Variants in NAV3 observed in about 807,000 individuals in gnomAD.
NAV3 encodes pore membrane and/or filament interacting like protein 1.
Under a neutral mutation model 244.7 loss-of-function variants are expected in NAV3, and 87 were observed. That is an observed-to-expected ratio of 0.36 (90% CI 0.30 to 0.42). NAV3 has a LOEUF of 0.42. NAV3 is among the 20% of genes least tolerant of loss of function. The pLI is 1.00. For missense variants in NAV3, 2,663 were observed against 2,893.3 expected, an observed-to-expected ratio of 0.92 and a Z score of 1.83; for synonymous variants, 1,126 against 1,042.2, an observed-to-expected ratio of 1.08 and a Z score of -1.55.
At chr12:77,901,472 G>A (rs1885281989) in intron 1 of NAV3, among the ~76,000 whole-genome samples, 1 of 152,118 alleles carries the variant, frequency 6.6e-6, no homozygotes, top group Non-Finnish European at 1.5e-5. Context: ...CACTTTGAGA[G>A]GCTGAGGCGG....
At chr12:77,976,667 T>C (rs1368222874) in intron 5 of NAV3, among the ~76,000 whole-genome samples, 1 of 55,462 alleles carries the variant, frequency 1.8e-5, no homozygotes, top group East Asian at 4.8e-4. Flanking sequence ...TCTTTCTTTC[T>C]TTTTTTCTTT....
rs575392266 is a variant in NAV3, at chr12:77,943,028, G to T, written c.414+1895G>T. Among the ~76,000 whole-genome samples the T allele has an allele frequency of 2.0e-5, 3 of 152,222 alleles. No individual in the cohort carries two copies. The East Asian group carries it at 5.8e-4, about 29-fold the overall frequency. Reference sequence around the variant, plus strand: ...GGCTATCATTCCAATTTGATTCTGGGATTACAGAGAATTCAATAAACAGGC... The same window carrying T: ...GGCTATCATTCCAATTTGATTCTGGTATTACAGAGAATTCAATAAACAGGC... On this transcript the variant is annotated intron_variant, in intron 3 of 39. Transcript: ENST00000397909.
rs79409555 is a variant in NAV3, at chr12:78,130,461, C to T, written c.4441+1595C>T. The T allele has an allele frequency of 7.8e-4, 170 of 216,622 alleles. 2 individuals are homozygous for T. In the East Asian group the frequency reaches 0.015, roughly 20 times the overall value. 13.4% of individuals were successfully genotyped at this position (216,622 alleles called of 1,614,324 possible). On this transcript the variant is annotated intron_variant, in intron 18 of 39. Coordinates refer to ENST00000397909, the MANE Select transcript of NAV3 (RefSeq NM_001024383.2). The stretch of plus-strand genomic sequence containing the variant: ...ATCCCCTGCTTTCCTGATCCCACCA[C>T]AAAAACTCCCCTGAGGATGAAGCCT...
intron 2 of NAV3, among the ~76,000 whole-genome samples, chr12:77,807,199 T>C (rs1872027659): frequency 6.6e-6 from 1 of 152,216 alleles, no homozygotes; most frequent in Non-Finnish European, 1.5e-5. Context: ...TCGACATGTG[T>C]GAATTTGATC....
At chr12:77,998,284 C>G (rs1872686317) in intron 6 of NAV3, 53 bp from the exon 7 acceptor site, 2 of 1,364,176 alleles carry the variant, frequency 1.5e-6, no homozygotes, top group African/African-American at 1.5e-5. Flanking sequence ...CCTCCTGCTT[C>G]TTACCTTTTT....
intron 2 of NAV3, among the ~76,000 whole-genome samples, chr12:77,798,396 A>G (rs1040487418): frequency 6.6e-6 from 1 of 152,192 alleles, no homozygotes; most frequent in African/African-American, 2.4e-5. Context: ...ATAATTTAAT[A>G]TAATTTTACA....
intron 2 of NAV3, among the ~76,000 whole-genome samples, chr12:77,717,287 C>T (rs928258978): frequency 1.6e-4 from 24 of 152,162 alleles, no homozygotes; most frequent in Admixed American, 1.6e-3. Flanking sequence ...TTTCCTCTCT[C>T]CTCAGCTGCT....
At chr12:77,973,298 A>G (rs1439258038) in intron 5 of NAV3, among the ~76,000 whole-genome samples, 1 of 152,230 alleles carries the variant, frequency 6.6e-6, no homozygotes, top group Admixed American at 6.5e-5. Flanking sequence ...ATGTGAAAGT[A>G]GAGGTAAGAG....
At chr12:78,110,575 T>TA (rs1208354946) in intron 12 of NAV3, among the ~76,000 whole-genome samples, 4 of 151,176 alleles carry the variant, frequency 2.6e-5, no homozygotes, top group African/African-American at 7.3e-5. Context: ...TTTGTACAAA[T>TA]AAAAAAATGT....
At chr12:77,928,399 A>G (rs1888442905) in intron 1 of NAV3, among the ~76,000 whole-genome samples, 1 of 152,092 alleles carries the variant, frequency 6.6e-6, no homozygotes, top group Admixed American at 6.6e-5. Context: ...CTAGAATGCC[A>G]AAGGATAAGG....
intron 12 of NAV3, among the ~76,000 whole-genome samples, chr12:78,084,229 A>C (rs1052631943): frequency 6.6e-6 from 1 of 152,198 alleles, no homozygotes; most frequent in Non-Finnish European, 1.5e-5. Context: ...GCATGTTTAC[A>C]GCTTCCCTGA....
chr12:77,886,366 G>T (rs1301811630), intron 1 of NAV3, among the ~76,000 whole-genome samples: 2 of 152,092 alleles, frequency 1.3e-5, no homozygotes, highest in Non-Finnish European at 2.9e-5. Flanking sequence ...TCACCACAAT[G>T]TATGTGTCAG....
chr12:77,648,072 G>A (rs1393586284), intron 2 of NAV3, among the ~76,000 whole-genome samples: 1 of 152,058 alleles, frequency 6.6e-6, no homozygotes, highest in East Asian at 1.9e-4. Flanking sequence ...TGGCCAAACA[G>A]ATTTTGGTCT....
At chr12:77,861,870 G>C (rs1879304630) in intron 1 of NAV3, among the ~76,000 whole-genome samples, 1 of 151,822 alleles carries the variant, frequency 6.6e-6, no homozygotes, top group Non-Finnish European at 1.5e-5. Flanking sequence ...TAGAAGAATA[G>C]TCCCTACTCC....
rs762198101 is a variant in NAV3 at position 78,122,345 on chromosome 12, C to T, written c.4155C>T (p.Ser1385=). ...SIDLPLSHHG[S]LSGLTTGTHE... ...ACCTCCCCCTCAGCCATCATGGCTC[C>T]TTGTCTGGACTGACCACAGGCACTC... is the stretch of plus-strand genomic sequence containing the variant. Residue 1385 remains serine, a synonymous_variant, in exon 16 of 40, where the codon TCC becomes TCT. Transcript: ENST00000397909. The T allele has an allele frequency of 6.2e-7, 1 of 1,614,128 alleles. No homozygotes were observed. The highest frequency in any genetic ancestry group is 8.5e-7 in the Non-Finnish European group (1 of 1,180,008).
At chr12:77,815,342 A>G (rs566052746) in intron 2 of NAV3, among the ~76,000 whole-genome samples, 1 of 152,278 alleles carries the variant, frequency 6.6e-6, no homozygotes, top group East Asian at 1.9e-4. Flanking sequence ...TTACTTTAGA[A>G]ATCCTCTTGG....
rs765707660 is a variant in NAV3 at position 78,181,045 on chromosome 12, G to A, written c.5692G>A (p.Asp1898Asn). ...GAACATCACAGAGGCTGTTAGCTCA[G>A]GTGATTTAGTGCACATGCTTGCCTG... ...NLNITEAVSS[D>N]ILLDDAGDAT... The change falls in exon 30 of 40, where the codon GAT becomes AAT. Residue 1898 changes from aspartate to asparagine, a missense_variant and splice_region_variant. Around this residue, in one of 6 missense-constraint regions of NAV3, gnomAD observed 543 missense variants for 672.4 expected, o/e 0.81. Transcript: ENST00000397909. The A allele has an allele frequency of 3.1e-6, 5 of 1,612,430 alleles. No homozygotes were observed. Among genetic ancestry groups the A allele is most frequent in the Non-Finnish European group, 4.2e-6 (5 of 1,178,986 alleles).
intron 2 of NAV3, among the ~76,000 whole-genome samples, chr12:77,717,081 T>C (rs1301469447): frequency 6.6e-6 from 1 of 151,988 alleles, no homozygotes; most frequent in East Asian, 1.9e-4. Flanking sequence ...ATGTGGAGAA[T>C]TATCGAGCAT....
intron 38 of NAV3, 94 bp from the exon 39 acceptor site, chr12:78,204,841 A>C (rs1215626360): frequency 1.0e-5 from 11 of 1,092,188 alleles, no homozygotes; most frequent in Non-Finnish European, 1.5e-5. Context: ...TTAAGAACTC[A>C]ATATGTCAAA....
Sources: allele counts gnomAD v4.1 joint callset (sites outside exome capture counted in the v4.1 genomes callset), GRCh38; gene constraint gnomAD v4.1.1; regional missense constraint gnomAD v4.1.1; transcripts MANE v1.5; gene names NCBI Gene and HGNC (gene_info 2026-07-23, HGNC 2026-07-21).